The following DCDC1 variants were observed in gnomAD, a reference collection of about 807,000 sequenced individuals.
The protein encoded by DCDC1 is doublecortin domain-containing protein 1.
DCDC1 carries 200 observed loss-of-function variants against 178.3 expected under a neutral mutation model. The observed-to-expected ratio is 1.12, with a 90% CI of 1.00 to 1.26. The LOEUF is 1.26. DCDC1 is among the 50% of genes most tolerant of loss of function. DCDC1 has a pLI of 0.00. For missense variants in DCDC1, 1,983 were observed against 1,749.2 expected (o/e 1.13, Z -2.38); for synonymous variants, 690 against 604.8 (o/e 1.14, Z -2.07).
intron 20 of DCDC1, among the ~76,000 whole-genome samples, chr11:30,977,782 C>A (rs986668595): frequency 6.6e-6 from 1 of 151,938 alleles, no homozygotes; most frequent in South Asian, 2.1e-4. Flanking sequence ...AATACAAAAA[C>A]CAGCCGGGCA....
chr11:30,896,964 T>G (rs2134081443), intron 34 of DCDC1, among the ~76,000 whole-genome samples: 1 of 152,348 alleles, frequency 6.6e-6, no homozygotes, highest in African/African-American at 2.4e-5. Flanking sequence ...GAATAGCTGA[T>G]TTAGCAACTA....
intron 38 of DCDC1, among the ~76,000 whole-genome samples, chr11:30,865,603 T>TAAG (rs1940909840): frequency 6.6e-6 from 1 of 152,182 alleles, no homozygotes; most frequent in Non-Finnish European, 1.5e-5. Context: ...GGGTCTTTAC[T>TAAG]AAGACTGACC....
At chr11:31,130,243 G>C (rs865776863) in intron 10 of DCDC1, among the ~76,000 whole-genome samples, 2 of 152,026 alleles carry the variant, frequency 1.3e-5, no homozygotes, top group African/African-American at 4.8e-5. Flanking sequence ...TTACCATCTG[G>C]CACTTAATCA....
chr11:31,148,722 G>C (rs571605278), intron 9 of DCDC1, among the ~76,000 whole-genome samples: 8 of 150,838 alleles, frequency 5.3e-5, no homozygotes, highest in African/African-American at 1.9e-4. Context: ...AAAAGTTCAC[G>C]GTCTCTTTGA....
chr11:31,102,383 T>A (rs1466724594), intron 14 of DCDC1, 101 bp from the exon 15 acceptor site: 2 of 473,670 alleles, frequency 4.2e-6, no homozygotes, highest in Non-Finnish European at 7.6e-6. Flanking sequence ...GCTTTATGTA[T>A]ACTCCATTAC....
intron 12 of DCDC1, among the ~76,000 whole-genome samples, chr11:31,109,165 C>T (rs188486645): frequency 1.1e-4 from 16 of 149,888 alleles, no homozygotes; most frequent in African/African-American, 3.9e-4. Flanking sequence ...GTCACCCAGG[C>T]TGGAGTGCAG....
At chr11:31,157,521 AT>A in intron 9 of DCDC1, among the ~76,000 whole-genome samples, 1 of 151,762 alleles carries the variant, frequency 6.6e-6, no homozygotes, top group South Asian at 2.1e-4. Context: ...AGGGAAGAAA[AT>A]TCTGATATAT....
intron 15 of DCDC1, among the ~76,000 whole-genome samples, chr11:31,098,671 A>C (rs2135715789): frequency 6.6e-6 from 1 of 152,350 alleles, no homozygotes; most frequent in East Asian, 1.9e-4. Context: ...TTCTACAATA[A>C]AATGCCCTAT....
intron 9 of DCDC1, among the ~76,000 whole-genome samples, chr11:31,203,231 G>A (rs946554685): frequency 1.3e-5 from 2 of 152,054 alleles, no homozygotes; most frequent in Admixed American, 1.3e-4. Context: ...AGAGATAAAT[G>A]AACAAATCAA....
At chr11:31,093,951 C>T in intron 16 of DCDC1, 99 bp downstream of exon 16, 1 of 688,376 alleles carries the variant, frequency 1.5e-6, no homozygotes, top group South Asian at 1.6e-5. Context: ...CACGCTTTCA[C>T]TTGTATGCCC....
chr11:31,226,172 C>G (rs1385056678), intron 9 of DCDC1, among the ~76,000 whole-genome samples: 1 of 152,044 alleles, frequency 6.6e-6, no homozygotes, highest in Non-Finnish European at 1.5e-5. Context: ...GTATCTGCAG[C>G]TTTCTTCTCT....
intron 1 of DCDC1, among the ~76,000 whole-genome samples, chr11:31,343,394 C>A (rs1470912327): frequency 6.6e-6 from 1 of 152,098 alleles, no homozygotes. Flanking sequence ...GCAACCCCCA[C>A]CTCCCAGGTT....
intron 20 of DCDC1, among the ~76,000 whole-genome samples, chr11:31,049,183 CTTATT>C (rs1175712669): frequency 6.6e-6 from 1 of 152,126 alleles, no homozygotes; most frequent in Non-Finnish European, 1.5e-5. Flanking sequence ...ATTCAGGTCT[CTTATT>C]TGATCAGGTT....
chr11:31,073,315 G>T (rs1956679630), intron 18 of DCDC1, among the ~76,000 whole-genome samples: 1 of 152,130 alleles, frequency 6.6e-6, no homozygotes. Flanking sequence ...TTTAAAAATT[G>T]TAAAATGAGA....
At chr11:31,202,946 T>C (rs1036702818) in intron 9 of DCDC1, among the ~76,000 whole-genome samples, 1 of 152,128 alleles carries the variant, frequency 6.6e-6, no homozygotes, top group African/African-American at 2.4e-5. Flanking sequence ...AAATAGAACA[T>C]GTGACTGTTG....
intron 2 of DCDC1, among the ~76,000 whole-genome samples, chr11:31,328,574 G>A (rs1351141808): frequency 5.3e-5 from 8 of 152,078 alleles, no homozygotes; most frequent in South Asian, 2.1e-4. Context: ...CAAGGCGGGC[G>A]GATCACAAGG....
intron 9 of DCDC1, among the ~76,000 whole-genome samples, chr11:31,235,127 T>C (rs1212295160): frequency 1.3e-5 from 2 of 152,136 alleles, no homozygotes; most frequent in Non-Finnish European, 1.5e-5. Flanking sequence ...AACTAAAGAA[T>C]GATCTTAAAT....
At chr11:30,986,521 C>T (rs1207654303) in intron 20 of DCDC1, among the ~76,000 whole-genome samples, 3 of 151,874 alleles carry the variant, frequency 2.0e-5, no homozygotes, top group East Asian at 1.9e-4. Flanking sequence ...TTAGTAGAGA[C>T]GGGGTTTCAC....
chr11:30,996,872 T>G (rs75339773), intron 20 of DCDC1, among the ~76,000 whole-genome samples: 1 of 152,212 alleles, frequency 6.6e-6, no homozygotes, highest in Non-Finnish European at 1.5e-5. Flanking sequence ...AAAATTTTGT[T>G]CGCATAAAAA....
Sources: allele counts gnomAD v4.1 joint callset (sites outside exome capture counted in the v4.1 genomes callset), GRCh38; gene constraint gnomAD v4.1.1; transcripts MANE v1.5; gene names NCBI Gene and HGNC (gene_info 2026-07-23, HGNC 2026-07-21).